The following SKAP2 variants were observed in gnomAD, a reference collection of about 807,000 sequenced individuals.
SKAP2 encodes src kinase associated phosphoprotein 2.
Under a neutral mutation model 54.9 loss-of-function variants are expected in SKAP2, and 28 were observed. The observed-to-expected ratio is 0.51, with a 90% CI of 0.38 to 0.70. SKAP2 has a LOEUF of 0.70. Among genes scored for constraint, SKAP2 ranks in the 30% least tolerant of loss-of-function variants. The probability of loss-of-function intolerance (pLI) is 0.00; values close to 1 mark genes in which losing one functional copy is unlikely to be tolerated. For synonymous variants in SKAP2, 137 were observed against 134.3 expected (o/e 1.02, Z -0.14); for missense variants, 356 against 424.1 (o/e 0.84, Z 1.41).
intron 4 of SKAP2, among the ~76,000 whole-genome samples, chr7:26,791,065 T>C (rs981845638): frequency 2.6e-5 from 4 of 152,052 alleles, no homozygotes; most frequent in Non-Finnish European, 4.4e-5. Context: ...AAATCCAGGA[T>C]GTACAGTTGC....
At chr7:26,692,276 G>A (rs1372393615) in intron 9 of SKAP2, among the ~76,000 whole-genome samples, 1 of 152,146 alleles carries the variant, frequency 6.6e-6, no homozygotes, top group African/African-American at 2.4e-5. Flanking sequence ...CTAAAAGGAG[G>A]ATAGCCAAAA....
chr7:26,774,521 G>GTA (rs879746688), intron 4 of SKAP2, among the ~76,000 whole-genome samples: 9,947 of 148,766 alleles, frequency 0.067, 363 homozygotes, highest in Non-Finnish European at 0.074. Flanking sequence ...GTGTGTGTAT[G>GTA]TATATATATA....
chr7:26,782,897 C>T (rs997963311), intron 4 of SKAP2, among the ~76,000 whole-genome samples: 5 of 152,082 alleles, frequency 3.3e-5, no homozygotes, highest in South Asian at 2.1e-4. Context: ...GAACTGTGAG[C>T]GATAAATATC....
intron 9 of SKAP2, among the ~76,000 whole-genome samples, chr7:26,706,619 T>A (rs1787161664): frequency 1.3e-5 from 2 of 152,184 alleles, no homozygotes. Context: ...GAGATGATAT[T>A]CTCTCTCTTA....
rs540531277 is a variant in SKAP2 at position 26,821,839 on chromosome 7, T to C, written c.307+22191A>G. Among the ~76,000 whole-genome samples, 8 of 152,302 alleles carry C rather than the reference T, an allele frequency of 5.3e-5. No individual in the cohort carries two copies. In the South Asian group the frequency reaches 1.7e-3, roughly 32 times the overall value. The stretch of plus-strand genomic sequence containing the variant: ...TCAAGTTGATCCTACACTCCGGTTC[T>C]TCCCAGGCCTGAGTTCCCCAGAAGT... On this transcript the variant is annotated intron_variant, in intron 4 of 12. Transcript: ENST00000345317.
intron 4 of SKAP2, among the ~76,000 whole-genome samples, chr7:26,765,088 T>C (rs1584376675): frequency 6.6e-6 from 1 of 152,184 alleles, no homozygotes; most frequent in East Asian, 1.9e-4. Flanking sequence ...TAATTTACAC[T>C]CCCACCAACA....
chr7:26,719,026 A>T (rs1245943969), intron 9 of SKAP2, among the ~76,000 whole-genome samples: 1 of 152,008 alleles, frequency 6.6e-6, no homozygotes, highest in Non-Finnish European at 1.5e-5. Context: ...AAAATTAAAA[A>T]CTAAAAAATT....
intron 9 of SKAP2, among the ~76,000 whole-genome samples, chr7:26,694,460 A>AT (rs34338289): frequency 0.04 from 5,590 of 141,334 alleles, 332 homozygotes; most frequent in African/African-American, 0.13. Flanking sequence ...TCATCAGGAG[A>AT]TTTTTTTTTT....
intron 9 of SKAP2, among the ~76,000 whole-genome samples, chr7:26,708,806 T>A (rs1264499936): frequency 1.3e-5 from 2 of 152,166 alleles, no homozygotes; most frequent in African/African-American, 4.8e-5. Context: ...AAATTCTGAG[T>A]CATATTGGTC....
intron 9 of SKAP2, among the ~76,000 whole-genome samples, chr7:26,692,906 C>T (rs1221910864): frequency 1.3e-5 from 2 of 152,116 alleles, no homozygotes; most frequent in Non-Finnish European, 2.9e-5. Flanking sequence ...CTTTCCATAG[C>T]ACCCACTCCC....
chr7:26,824,642 T>A (rs992296071), intron 4 of SKAP2, among the ~76,000 whole-genome samples: 1 of 152,232 alleles, frequency 6.6e-6, no homozygotes, highest in African/African-American at 2.4e-5. Flanking sequence ...CAAACTTTTT[T>A]AGTAAAGTGT....
At chr7:26,839,882 G>C (rs1384817623) in intron 4 of SKAP2, among the ~76,000 whole-genome samples, 3 of 151,862 alleles carry the variant, frequency 2.0e-5, no homozygotes, top group Non-Finnish European at 4.4e-5. Context: ...TTATTTATAG[G>C]CATCCTGGAG....
chr7:26,864,297 C>T, intron 1 of SKAP2, 66 bp downstream of exon 1: 2 of 1,598,056 alleles, frequency 1.3e-6, no homozygotes, highest in Non-Finnish European at 1.7e-6. Flanking sequence ...ATGCTTCTGT[C>T]CCCACCGGCT....
At position 26,844,142 on chromosome 7, in the gene SKAP2, T is replaced by TAAAA; in HGVS notation, c.200-9_200-6dup. ...CTTCCCCATCTTCTGCATCACCTGT[T>TAAAA]AAAAAAAAAAAAAATCAGAGAACTG... is the stretch of plus-strand genomic sequence containing the variant. On this transcript the variant is annotated splice_region_variant and splice_polypyrimidine_tract_variant and intron_variant, in intron 3 of 12. Transcript: ENST00000345317. 1.3e-5 allele frequency: 17 copies of TAAAA among 1,281,930 alleles called. No individual in the cohort carries two copies. The highest frequency in any genetic ancestry group is 4.0e-5 in the Admixed American group (2 of 50,600). 79.4% of individuals were successfully genotyped at this position (1,281,930 alleles called of 1,614,324 possible).
chr7:26,725,371 C>G, intron 9 of SKAP2, 57 bp downstream of exon 9: 1 of 1,305,600 alleles, frequency 7.7e-7, no homozygotes, highest in South Asian at 1.3e-5. Context: ...CACACACACA[C>G]TCACACACAC....
intron 9 of SKAP2, among the ~76,000 whole-genome samples, chr7:26,720,818 C>T (rs1787562496): frequency 6.6e-6 from 1 of 152,106 alleles, no homozygotes; most frequent in African/African-American, 2.4e-5. Context: ...GGGACACTGC[C>T]CCCATCATTC....
At chr7:26,661,715 TACCA>T in the SKAP2 span, among the ~76,000 whole-genome samples, 1 of 152,138 alleles carries the variant, frequency 6.6e-6, no homozygotes, top group Non-Finnish European at 1.5e-5. Flanking sequence ...TAAATAATAA[TACCA>T]AGGGCTCACT....
chr7:26,721,988 T>C (rs2127954454), intron 9 of SKAP2, among the ~76,000 whole-genome samples: 1 of 152,352 alleles, frequency 6.6e-6, no homozygotes, highest in South Asian at 2.1e-4. Context: ...TTAAACAGTT[T>C]AACACATTTT....
intron 9 of SKAP2, among the ~76,000 whole-genome samples, chr7:26,724,637 T>A (rs935479320): frequency 3.3e-5 from 5 of 152,212 alleles, no homozygotes; most frequent in African/African-American, 1.2e-4. Context: ...TTGCTTATGA[T>A]ACCTTTTTCT....
Sources: gnomAD v4.1 joint callset for allele counts (sites outside exome capture counted in the v4.1 genomes callset) on GRCh38, gnomAD v4.1.1 for gene constraint, MANE v1.5 for transcripts, NCBI Gene and HGNC (gene_info 2026-07-23, HGNC 2026-07-21) for gene names.